Variants in FBXL2 observed in about 807,000 individuals in gnomAD.
FBXL2 encodes F-box/LRR-repeat protein 2.
Under a neutral mutation model 69.2 loss-of-function variants are expected in FBXL2, and 38 were observed. The ratio of observed to expected loss-of-function variants is 0.55; its 90% CI spans 0.42 to 0.72. The LOEUF is 0.72. FBXL2 is among the 30% of genes least tolerant of loss of function. The pLI, the probability that FBXL2 is intolerant of heterozygous loss-of-function variation, is 0.00. For missense variants in FBXL2, 354 were observed against 520.3 expected, an observed-to-expected ratio of 0.68 and a Z score of 3.11; for synonymous variants, 192 against 201.3, an observed-to-expected ratio of 0.95 and a Z score of 0.39.
intron 2 of FBXL2, among the ~76,000 whole-genome samples, chr3:33,344,709 A>C (rs1323075158): frequency 6.6e-6 from 1 of 152,222 alleles, no homozygotes. Flanking sequence ...GGTAGGAAAG[A>C]AAATTAAACC....
chr3:33,403,006 C>T (rs1042241964), intron 12 of FBXL2: 7 of 1,032,068 alleles, frequency 6.8e-6, no homozygotes, highest in African/African-American at 1.6e-5. Context: ...TTATAAAATG[C>T]GAGACAGCTG....
chr3:33,415,545 A>T, the FBXL2 span, among the ~76,000 whole-genome samples: 2 of 152,302 alleles, frequency 1.3e-5, no homozygotes, highest in Non-Finnish European at 2.9e-5. Context: ...ATACCACCAT[A>T]TGATGGATAT....
chr3:33,402,020 AT>A (rs2044249367), intron 12 of FBXL2, among the ~76,000 whole-genome samples: 1 of 152,182 alleles, frequency 6.6e-6, no homozygotes, highest in Non-Finnish European at 1.5e-5. Context: ...GGGAGAGCAC[AT>A]TTTTGCTTGC....
chr3:33,312,008 A>G lies in FBXL2; in HGVS notation c.65+14283A>G, dbSNP rs1286030304. On this transcript the variant is annotated intron_variant, in intron 2 of 14. Transcript: ENST00000484457. ...TTTCTGATTTCATTTAGTTGTCTTA[A>G]TGTAGCTCAGTGAGCTATGCAATAT... Among the ~76,000 whole-genome samples, 4 of 152,114 alleles carry G rather than the reference A, an allele frequency of 2.6e-5. No individual in the cohort carries two copies. The East Asian group carries it at 5.8e-4, about 22-fold the overall frequency.
chr3:33,352,219 G>A (rs2154037896), intron 2 of FBXL2, among the ~76,000 whole-genome samples: 2 of 152,252 alleles, frequency 1.3e-5, no homozygotes, highest in Admixed American at 1.3e-4. Context: ...GCAAGTCAAT[G>A]GAGAAAGTAT....
At chr3:33,395,256 A>G (rs966968168) in intron 12 of FBXL2, among the ~76,000 whole-genome samples, 1 of 152,230 alleles carries the variant, frequency 6.6e-6, no homozygotes, top group Non-Finnish European at 1.5e-5. Context: ...GTAAAATTCA[A>G]ACCACAAGAC....
At chr3:33,381,220 T>C (rs2043033796) in intron 13 of FBXL2, among the ~76,000 whole-genome samples, 1 of 152,250 alleles carries the variant, frequency 6.6e-6, no homozygotes, top group South Asian at 2.1e-4. Context: ...ATGTTACTGT[T>C]AACTTCTTGA....
chr3:33,422,434 A>C, the FBXL2 span, among the ~76,000 whole-genome samples: 2 of 151,986 alleles, frequency 1.3e-5, no homozygotes, highest in African/African-American at 4.8e-5. Flanking sequence ...GAAGAAAAAA[A>C]GGCCAGGTTC....
downstream of FBXL2, among the ~76,000 whole-genome samples, chr3:33,404,280 C>T (rs1443171189): frequency 3.9e-5 from 6 of 152,022 alleles, no homozygotes; most frequent in South Asian, 2.1e-4. Context: ...GGCGTAGTGG[C>T]GTGTGCCTGT....
the FBXL2 span, among the ~76,000 whole-genome samples, chr3:33,412,344 TAAAA>T: frequency 6.7e-6 from 1 of 150,322 alleles, no homozygotes; most frequent in Non-Finnish European, 1.5e-5. Flanking sequence ...GGGAAAAAAA[TAAAA>T]AGAAAATAAT....
intron 12 of FBXL2, among the ~76,000 whole-genome samples, chr3:33,401,422 T>C (rs1325282895): frequency 1.3e-5 from 2 of 152,150 alleles, no homozygotes; most frequent in Non-Finnish European, 2.9e-5. Context: ...CAAGAAATAG[T>C]ACAATGACCC....
chr3:33,326,865 G>A (rs1280932827), intron 2 of FBXL2, among the ~76,000 whole-genome samples: 1 of 152,090 alleles, frequency 6.6e-6, no homozygotes, highest in Non-Finnish European at 1.5e-5. Context: ...TTATCCTATT[G>A]ATCTAAAGAC....
chr3:33,384,325 C>G lies in FBXL2; in HGVS notation c.1164+124C>G. The G allele has an allele frequency of 6.6e-6, 6 of 915,216 alleles. No individual in the cohort carries two copies. The South Asian group carries it at 9.5e-5, about 14-fold the overall frequency. 56.7% of individuals were successfully genotyped at this position (915,216 alleles called of 1,614,324 possible). On this transcript the variant is annotated intron_variant, in intron 14 of 14. Coordinates refer to ENST00000484457, the MANE Select transcript of FBXL2 (RefSeq NM_012157.5). ...CCTGTAATCCCAACACTTTCAGAAG[C>G]CAAGGTGGGTGGACCACTTGAGGTC...
At chr3:33,323,151 T>G (rs2038377789) in intron 2 of FBXL2, among the ~76,000 whole-genome samples, 1 of 152,166 alleles carries the variant, frequency 6.6e-6, no homozygotes, top group Non-Finnish European at 1.5e-5. Context: ...TTCTACCTAG[T>G]TTTTCTTTGC....
At chr3:33,293,410 A>G (rs1439236686) in intron 1 of FBXL2, among the ~76,000 whole-genome samples, 1 of 152,218 alleles carries the variant, frequency 6.6e-6, no homozygotes, top group Non-Finnish European at 1.5e-5. Context: ...GAAAAGTTAA[A>G]TGACATGCCC....
At chr3:33,336,904 AAAAC>A (rs137929430) in intron 2 of FBXL2, among the ~76,000 whole-genome samples, 8 of 149,936 alleles carry the variant, frequency 5.3e-5, no homozygotes, top group African/African-American at 7.4e-5. Flanking sequence ...ACTCTGTCTC[AAAAC>A]AAACAAACAA....
the FBXL2 span, chr3:33,414,307 AG>A: frequency 6.6e-6 from 1 of 152,178 alleles, no homozygotes; most frequent in Non-Finnish European, 1.5e-5. Flanking sequence ...GAGAGAGGAA[AG>A]GAACTTCTTA....
chr3:33,283,295 A>G (rs1337784536), intron 1 of FBXL2, among the ~76,000 whole-genome samples: 1 of 152,154 alleles, frequency 6.6e-6, no homozygotes, highest in South Asian at 2.1e-4. Flanking sequence ...TTCTGCATCT[A>G]TTGAGATAAT....
chr3:33,291,756 G>C (rs914618907), intron 1 of FBXL2, among the ~76,000 whole-genome samples: 1 of 152,086 alleles, frequency 6.6e-6, no homozygotes, highest in Non-Finnish European at 1.5e-5. Flanking sequence ...AGTCAGGAAA[G>C]CAGAATAGAG....
Sources: gnomAD v4.1 joint callset for allele counts (sites outside exome capture counted in the v4.1 genomes callset) on GRCh38, gnomAD v4.1.1 for gene constraint, MANE v1.5 for transcripts, NCBI Gene and HGNC (gene_info 2026-07-23, HGNC 2026-07-21) for gene names.